The following LY75 variants were observed in gnomAD, a reference collection of about 807,000 sequenced individuals.
LY75 encodes the protein C-type lectin domain family 13 member B.
Under a neutral mutation model 231.7 loss-of-function variants are expected in LY75, and 185 were observed. That is an observed-to-expected ratio of 0.80 (90% CI 0.71 to 0.90). The LOEUF is 0.90. Among genes scored for constraint, LY75 ranks in the 40% least tolerant of loss-of-function variants. The pLI, the probability that LY75 is intolerant of heterozygous loss-of-function variation, is 0.00. For synonymous variants in LY75, 668 were observed against 689.0 expected (o/e 0.97, Z 0.48); for missense variants, 1,947 against 2,050.2 (o/e 0.95, Z 0.97).
At chr2:159,885,502 C>T (rs1043286022) in intron 5 of LY75, among the ~76,000 whole-genome samples, 1 of 152,096 alleles carries the variant, frequency 6.6e-6, no homozygotes, top group Non-Finnish European at 1.5e-5. Flanking sequence ...AAAGGGAAAA[C>T]ATCATGATAT....
chr2:159,838,155 C>T (rs965179727), intron 25 of LY75, among the ~76,000 whole-genome samples: 12 of 152,154 alleles, frequency 7.9e-5, no homozygotes, highest in Admixed American at 1.3e-4. Context: ...CACACAGTGT[C>T]GTCTACTTAA....
At position 159,883,128 on chromosome 2, in the gene LY75, G is replaced by A. The variant is rs185873686; in HGVS notation, c.1055-813C>T. Among the ~76,000 whole-genome samples the A allele has an allele frequency of 3.2e-3, 433 of 135,240 alleles. 2 individuals carry two copies. The highest frequency in any genetic ancestry group is 0.012 in the African/African-American group (424 of 36,718). 88.7% of individuals were successfully genotyped at this position (135,240 alleles called of 152,430 possible). ...ACAGCATCTCTGGGGACTGTTGTGGGGTGGGGGGAGGGGGAGGGGGGAGGG... is the reference window on the plus strand; with the variant it reads ...ACAGCATCTCTGGGGACTGTTGTGGAGTGGGGGGAGGGGGAGGGGGGAGGG... On this transcript the variant is annotated intron_variant, in intron 6 of 34. Transcript: ENST00000263636.
intron 32 of LY75, among the ~76,000 whole-genome samples, 172 bp downstream of exon 32, chr2:159,810,354 A>G (rs1049974000): frequency 1.2e-4 from 19 of 152,034 alleles, no homozygotes; most frequent in African/African-American, 4.1e-4. Flanking sequence ...TTCCTATGTC[A>G]TCAGATACTT....
At chr2:159,893,259 A>C (rs1298581901) in intron 3 of LY75, among the ~76,000 whole-genome samples, 1 of 152,202 alleles carries the variant, frequency 6.6e-6, no homozygotes, top group Non-Finnish European at 1.5e-5. Flanking sequence ...CCTGATGTTG[A>C]CCAATCAATT....
chr2:159,826,193 A>G (rs1038877765), intron 28 of LY75, among the ~76,000 whole-genome samples: 4 of 152,190 alleles, frequency 2.6e-5, no homozygotes, highest in Non-Finnish European at 5.9e-5. Flanking sequence ...ACATGATTGT[A>G]TATTTAGAAA....
In LY75 at chr2:159,904,466, C is replaced by G. The variant is rs567910136; in HGVS notation, c.94+123G>C. On this transcript the variant is annotated intron_variant, in intron 1 of 34. Coordinates refer to ENST00000263636, the MANE Select transcript of LY75 (RefSeq NM_002349.4). Reference sequence around the variant, plus strand: ...CACTCTTCCGGCTCCAGAGCCCCCCCGCCCCAACAGCAAAGCAGCCGTGAC... The same window carrying G: ...CACTCTTCCGGCTCCAGAGCCCCCCGGCCCCAACAGCAAAGCAGCCGTGAC... 3.4e-5 allele frequency: 38 copies of G among 1,125,086 alleles called. 1 individual carries two copies. In the Admixed American group the frequency reaches 5.6e-4, roughly 17 times the overall value. The allele number at this position is 1,125,086 out of a possible 1,614,324, so 69.7% of individuals were successfully genotyped here. A position where few individuals can be genotyped will look rare whatever the true frequency, so the allele number is the denominator to read the frequency against.
Position 159,882,162 on chromosome 2 carries a change from G to A in LY75, c.1208C>T (p.Ala403Val). 1.2e-6 allele frequency: 2 copies of A among 1,613,658 alleles called. No homozygotes were observed. Among genetic ancestry groups the A allele is most frequent in the Non-Finnish European group, 1.7e-6 (2 of 1,179,802 alleles). Reference protein sequence around the residue: ...SSDLISIHSLADVEVVVTKLH... With the variant: ...SSDLISIHSLVDVEVVVTKLH... ...TTTTGTGACAACCACCTCCACATCT[G>A]CTAGAGAATGAATGCTGATTAGGTC... Residue 403 changes from alanine (A) to valine (V), a missense_variant, in exon 7 of 35, where the codon GCA becomes GTA. By Grantham distance (64) the Ala-to-Val change is moderately conservative. Coordinates refer to ENST00000263636, the MANE Select transcript of LY75 (RefSeq NM_002349.4).
At chr2:159,866,761 C>T (rs149247011) in intron 13 of LY75, among the ~76,000 whole-genome samples, 3 of 152,250 alleles carry the variant, frequency 2.0e-5, no homozygotes, top group African/African-American at 7.2e-5. Context: ...AATCTTTGCA[C>T]ATTATATATT....
intron 25 of LY75, among the ~76,000 whole-genome samples, chr2:159,838,055 A>G (rs1392352895): frequency 6.6e-6 from 1 of 152,162 alleles, no homozygotes; most frequent in Non-Finnish European, 1.5e-5. Context: ...CTCCTCAGAC[A>G]CTGTAAACGC....
chr2:159,841,283 T>G (rs1395787672), intron 24 of LY75, among the ~76,000 whole-genome samples: 1 of 152,204 alleles, frequency 6.6e-6, no homozygotes, highest in Non-Finnish European at 1.5e-5. Context: ...ATAAATGTAT[T>G]AAGTATCCCC....
intron 28 of LY75, among the ~76,000 whole-genome samples, chr2:159,827,100 T>C (rs1683496475): frequency 6.6e-6 from 1 of 152,148 alleles, no homozygotes; most frequent in Non-Finnish European, 1.5e-5. Flanking sequence ...AAAGCCAAAA[T>C]TGACAAATGG....
intron 2 of LY75, among the ~76,000 whole-genome samples, chr2:159,895,421 C>T (rs889104755): frequency 6.6e-6 from 1 of 152,198 alleles, no homozygotes; most frequent in African/African-American, 2.4e-5. Flanking sequence ...TCCCATATTA[C>T]AAACCTAAGA....
chr2:159,881,049 G>T (rs2729711), intron 8 of LY75, 34 bp downstream of exon 8: 1,502,942 of 1,595,984 alleles, frequency 0.94, 714,619 homozygotes, highest in East Asian at 1. Context: ...GGTAAAACAG[G>T]AAGAATATAA....
chr2:159,807,909 G>T (rs959711561), intron 33 of LY75: 1 of 984,774 alleles, frequency 1.0e-6, no homozygotes, highest in African/African-American at 1.8e-5. Flanking sequence ...AATTTTATAG[G>T]TTGGCGCAAA....
rs756723067 is a variant in LY75, at chr2:159,864,827, G to A, written c.2199+12C>T. On this transcript the variant is annotated intron_variant, in intron 14 of 34. Transcript: ENST00000263636. ...TTTCCATACTACCTAAAACAATAAC[G>A]TTTTAACTTACTGGTGTACGATCAC... 34 of 1,570,426 alleles carry A rather than the reference G, an allele frequency of 2.2e-5. No individual in the cohort carries two copies. The highest frequency in any genetic ancestry group is 2.1e-4 in the South Asian group (17 of 81,452).
At chr2:159,873,147 A>G (rs1201251345) in intron 12 of LY75, among the ~76,000 whole-genome samples, 1 of 85,568 alleles carries the variant, frequency 1.2e-5, no homozygotes, top group African/African-American at 3.4e-5. Flanking sequence ...AAAGAAGAAG[A>G]AAGAAGAAAG....
intron 6 of LY75, among the ~76,000 whole-genome samples, chr2:159,883,085 T>C (rs1685482976): frequency 1.4e-5 from 2 of 141,450 alleles, no homozygotes; most frequent in South Asian, 4.5e-4. Flanking sequence ...CCATTTGGAA[T>C]ATTTGTTGTA....
intron 7 of LY75, among the ~76,000 whole-genome samples, chr2:159,881,505 A>C (rs1263259782): frequency 6.6e-6 from 1 of 151,900 alleles, no homozygotes; most frequent in Non-Finnish European, 1.5e-5. Flanking sequence ...TTGTGGGGTG[A>C]ATGAAATTCT....
In LY75 at chr2:159,853,775, T is replaced by C. The variant is rs1574560263; in HGVS notation, c.2596-78A>G. On this transcript the variant is annotated intron_variant, in intron 18 of 34. Coordinates refer to ENST00000263636, the MANE Select transcript of LY75 (RefSeq NM_002349.4). ...TTTTGATTCGAATACATTGTCTTAC[T>C]ATAATCACTAACCACTAAAATTTCC... 5 of 1,579,384 alleles carry C rather than the reference T, an allele frequency of 3.2e-6. No homozygotes were observed. In the South Asian group the frequency reaches 5.6e-5, roughly 18 times the overall value.
Sources: gnomAD v4.1 joint callset for allele counts (sites outside exome capture counted in the v4.1 genomes callset) on GRCh38, gnomAD v4.1.1 for gene constraint, MANE v1.5 for transcripts, NCBI Gene and HGNC (gene_info 2026-07-23, HGNC 2026-07-21) for gene names.